Variants in MSI2 observed in about 807,000 individuals in gnomAD.
MSI2 encodes RNA-binding protein Musashi homolog 2.
MSI2 carries 17 observed loss-of-function variants against 45.6 expected under a neutral mutation model. The observed-to-expected ratio is 0.37, with a 90% CI of 0.26 to 0.56. The LOEUF is 0.56. Among genes scored for constraint, MSI2 ranks in the 20% least tolerant of loss-of-function variants. The pLI is 0.77. For missense variants in MSI2, 293 were observed against 444.2 expected, an observed-to-expected ratio of 0.66 and a Z score of 3.06; for synonymous variants, 156 against 158.2, an observed-to-expected ratio of 0.99 and a Z score of 0.11.
intron 5 of MSI2, among the ~76,000 whole-genome samples, chr17:57,324,686 A>G (rs961947776): frequency 1.4e-4 from 22 of 152,218 alleles, no homozygotes; most frequent in Admixed American, 2.6e-4. Flanking sequence ...CTCCTGAACC[A>G]GCAGAGGCCA....
At chr17:57,697,392 C>T in the MSI2 span, among the ~76,000 whole-genome samples, 1 of 152,042 alleles carries the variant, frequency 6.6e-6, no homozygotes, top group Non-Finnish European at 1.5e-5. Flanking sequence ...GCTTCACGCA[C>T]TCCTGCTCAG....
intron 6 of MSI2, among the ~76,000 whole-genome samples, chr17:57,469,836 T>G (rs903893668): frequency 2.0e-5 from 3 of 152,260 alleles, no homozygotes. Context: ...TGCATTCCAC[T>G]GCTTGTAGCC....
intron 10 of MSI2, among the ~76,000 whole-genome samples, chr17:57,643,549 C>T (rs1910416528): frequency 1.3e-5 from 2 of 152,222 alleles, no homozygotes; most frequent in Admixed American, 6.5e-5. Context: ...ACCTTCCGCT[C>T]CTGGCTGGGC....
chr17:57,285,540 A>T (rs954773740), intron 5 of MSI2, among the ~76,000 whole-genome samples: 1 of 152,190 alleles, frequency 6.6e-6, no homozygotes, highest in Admixed American at 6.5e-5. Flanking sequence ...ACTTTTCAGG[A>T]GAGGCTGGGG....
intron 8 of MSI2, among the ~76,000 whole-genome samples, chr17:57,604,879 C>CG (rs1410726755): frequency 6.6e-6 from 1 of 151,542 alleles, no homozygotes; most frequent in South Asian, 2.1e-4. Flanking sequence ...GGCTCACCCC[C>CG]CCACTCCTTC....
At chr17:57,650,280 G>A (rs1222982423) in intron 10 of MSI2, among the ~76,000 whole-genome samples, 1 of 152,014 alleles carries the variant, frequency 6.6e-6, no homozygotes, top group African/African-American at 2.4e-5. Flanking sequence ...GCATGGTAAG[G>A]AGTGCAAAGG....
chr17:57,366,826 G>T (rs1306766672), intron 5 of MSI2, among the ~76,000 whole-genome samples: 1 of 152,144 alleles, frequency 6.6e-6, no homozygotes, highest in Non-Finnish European at 1.5e-5. Context: ...TTACGGAGGC[G>T]AGGATCCTGT....
At chr17:57,393,063 C>T (rs2083824501) in intron 5 of MSI2, among the ~76,000 whole-genome samples, 1 of 152,162 alleles carries the variant, frequency 6.6e-6, no homozygotes, top group South Asian at 2.1e-4. Flanking sequence ...TCCCCTGGCT[C>T]TATGCAACTA....
chr17:57,402,191 C>A (rs529149831), intron 6 of MSI2, among the ~76,000 whole-genome samples: 2 of 152,230 alleles, frequency 1.3e-5, no homozygotes, highest in African/African-American at 4.8e-5. Flanking sequence ...GGAGATGGTG[C>A]CTTGAGAGTG....
intron 5 of MSI2, among the ~76,000 whole-genome samples, chr17:57,392,103 G>A (rs1181479388): frequency 2.0e-5 from 3 of 152,198 alleles, no homozygotes; most frequent in Non-Finnish European, 4.4e-5. Flanking sequence ...ACCTCGCTCT[G>A]CAGCGCTTGA....
chr17:57,466,435 CTG>C (rs925131941), intron 6 of MSI2, among the ~76,000 whole-genome samples: 5 of 152,190 alleles, frequency 3.3e-5, no homozygotes, highest in African/African-American at 1.2e-4. Flanking sequence ...TTGCCCAAGA[CTG>C]TGCGATTTCA....
At chr17:57,401,641 C>G (rs2083993065) in intron 6 of MSI2, among the ~76,000 whole-genome samples, 170 bp downstream of exon 6, 1 of 152,236 alleles carries the variant, frequency 6.6e-6, no homozygotes, top group Non-Finnish European at 1.5e-5. Flanking sequence ...ATGGAAGAGT[C>G]TGGCTTGCAT....
At chr17:57,632,011 A>C in intron 10 of MSI2, 1 of 1,356,494 alleles carries the variant, frequency 7.4e-7, no homozygotes. Flanking sequence ...TCATTGCTTC[A>C]CTCAATTAAA....
intron 7 of MSI2, among the ~76,000 whole-genome samples, chr17:57,562,669 A>G (rs2087607049): frequency 6.6e-6 from 1 of 152,270 alleles, no homozygotes; most frequent in Non-Finnish European, 1.5e-5. Context: ...TTTCACCAAC[A>G]TAAAAAAATG....
intron 6 of MSI2, among the ~76,000 whole-genome samples, chr17:57,456,647 G>A (rs1384081066): frequency 6.6e-6 from 1 of 152,056 alleles, no homozygotes; most frequent in Non-Finnish European, 1.5e-5. Context: ...TGTTGGAGAT[G>A]GCTGTGCAGA....
chr17:57,305,363 G>A (rs2143567510), intron 5 of MSI2, among the ~76,000 whole-genome samples: 1 of 152,256 alleles, frequency 6.6e-6, no homozygotes, highest in Admixed American at 6.5e-5. Context: ...GTTCTCTGGG[G>A]CCCTTTTTCC....
chr17:57,590,918 G>A (rs1394748835), intron 7 of MSI2, among the ~76,000 whole-genome samples: 1 of 152,206 alleles, frequency 6.6e-6, no homozygotes, highest in Non-Finnish European at 1.5e-5. Context: ...TACCCAGGGA[G>A]GAGTTCTCTG....
At chr17:57,642,710 T>G (rs979447087) in intron 10 of MSI2, among the ~76,000 whole-genome samples, 14 of 152,228 alleles carry the variant, frequency 9.2e-5, no homozygotes, top group African/African-American at 3.4e-4. Flanking sequence ...ACTGCTATGA[T>G]TCCAGTGCTT....
chr17:57,638,883 C>G (rs1269004454), intron 10 of MSI2, among the ~76,000 whole-genome samples: 2 of 152,118 alleles, frequency 1.3e-5, no homozygotes, highest in Middle Eastern at 3.2e-3. Flanking sequence ...GCCTGGGTGA[C>G]AGAATGAGAC....
Sources: allele counts gnomAD v4.1 joint callset (sites outside exome capture counted in the v4.1 genomes callset), GRCh38; gene constraint gnomAD v4.1.1; transcripts MANE v1.5; gene names NCBI Gene and HGNC (gene_info 2026-07-23, HGNC 2026-07-21).